Variants in MALRD1 observed in about 807,000 individuals in gnomAD.
MALRD1 encodes MAM and LDL receptor class A domain containing 1, also known as MAM and LDL-receptor class A domain-containing protein 1.
MALRD1 carries 247 observed loss-of-function variants against 242.1 expected under a neutral mutation model. That is an observed-to-expected ratio of 1.02 (90% CI 0.92 to 1.13). The LOEUF (loss-of-function observed/expected upper bound fraction) is 1.13, where lower values mean the gene tolerates loss of function less well. Ranked by LOEUF, MALRD1 falls within the 50% of genes most tolerant of loss-of-function variation. The pLI is 0.00. For missense variants in MALRD1, 2,989 were observed against 2,533.1 expected (o/e 1.18, Z -3.86); for synonymous variants, 995 against 866.6 (o/e 1.15, Z -2.60).
intron 26 of MALRD1, among the ~76,000 whole-genome samples, chr10:19,365,152 T>G (rs1261072854): frequency 2.6e-5 from 4 of 152,130 alleles, no homozygotes; most frequent in African/African-American, 9.6e-5. Context: ...TAATTTAAAA[T>G]GAAATAAAAT....
At chr10:19,646,013 G>C (rs544260703) in intron 36 of MALRD1, among the ~76,000 whole-genome samples, 55 of 152,134 alleles carry the variant, frequency 3.6e-4, no homozygotes, top group Non-Finnish European at 7.1e-4. Context: ...TGAACTAAAT[G>C]TAAGTTTTGT....
At chr10:19,550,721 A>G (rs1835436694) in intron 32 of MALRD1, among the ~76,000 whole-genome samples, 1 of 152,090 alleles carries the variant, frequency 6.6e-6, no homozygotes, top group African/African-American at 2.4e-5. Context: ...TGTATGTACC[A>G]CATTTTCCTT....
In MALRD1 at chr10:19,209,245, C is replaced by A; in HGVS notation, c.2579-23C>A. The A allele has an allele frequency of 2.0e-6, 3 of 1,481,254 alleles. No individual in the cohort carries two copies. In the South Asian group the frequency reaches 4.2e-5, roughly 21 times the overall value. The allele number at this position is 1,481,254 out of a possible 1,614,324, so 91.8% of individuals were successfully genotyped here. ...TATTTTTGTCCCTAATTATCTTTTG[C>A]TTTTATTTCATGTGAATTTCAGCAC... On this transcript the variant is annotated intron_variant, in intron 17 of 39. Transcript: ENST00000454679.
At chr10:19,053,822 A>G (rs1834581983) in intron 1 of MALRD1, among the ~76,000 whole-genome samples, 1 of 152,154 alleles carries the variant, frequency 6.6e-6, no homozygotes, top group Admixed American at 6.5e-5. Flanking sequence ...TGCATTAAAA[A>G]AAAGAAAATA....
chr10:19,414,900 G>T (rs976364245), intron 28 of MALRD1, among the ~76,000 whole-genome samples: 19 of 152,228 alleles, frequency 1.2e-4, no homozygotes, highest in Middle Eastern at 3.4e-3. Flanking sequence ...ACAGGCCAAA[G>T]ACTACAGGTT....
At chr10:19,155,049 C>T (rs1834089040) in intron 11 of MALRD1, 26 bp from the exon 12 acceptor site, 1 of 1,210,406 alleles carries the variant, frequency 8.3e-7, no homozygotes, top group Non-Finnish European at 1.0e-6. Context: ...ACTTGCATCC[C>T]TATGACTTTC....
At chr10:19,059,008 T>C (rs991282542) in intron 1 of MALRD1, among the ~76,000 whole-genome samples, 1 of 152,158 alleles carries the variant, frequency 6.6e-6, no homozygotes, top group African/African-American at 2.4e-5. Context: ...TTTAGAAATT[T>C]ATTCTAAGAA....
rs1262013087 is a variant in MALRD1 at position 19,553,977 on chromosome 10, T to A, written c.5479-13525T>A. Among the ~76,000 whole-genome samples, 3 of 152,318 alleles carry A rather than the reference T, an allele frequency of 2.0e-5. No homozygotes were observed. In the East Asian group the frequency reaches 5.8e-4, roughly 29 times the overall value. ...ATTTGTTGAGCTCCTATTATGTGCC[T>A]GGCAGTGCTCTAGGCATTTAGGGTA... On this transcript the variant is annotated intron_variant, in intron 32 of 39. Coordinates refer to ENST00000454679, the MANE Select transcript of MALRD1 (RefSeq NM_001142308.3).
chr10:19,506,886 AG>A (rs1471566319), intron 31 of MALRD1, among the ~76,000 whole-genome samples: 1 of 152,170 alleles, frequency 6.6e-6, no homozygotes, highest in Admixed American at 6.5e-5. Flanking sequence ...ATTGCTATAA[AG>A]AAATACCTGA....
chr10:19,655,113 C>G (rs1271117897), intron 36 of MALRD1, among the ~76,000 whole-genome samples: 2 of 152,054 alleles, frequency 1.3e-5, no homozygotes, highest in Non-Finnish European at 2.9e-5. Context: ...CAGAATAAAG[C>G]TGCAAAGGTT....
intron 38 of MALRD1, among the ~76,000 whole-genome samples, chr10:19,726,127 T>C (rs549120753): frequency 2.0e-5 from 3 of 152,256 alleles, no homozygotes; most frequent in African/African-American, 7.2e-5. Flanking sequence ...TCAAAAACTT[T>C]TGTGCAACAA....
chr10:19,478,572 C>G (rs1589136595), intron 29 of MALRD1, among the ~76,000 whole-genome samples: 2 of 152,010 alleles, frequency 1.3e-5, no homozygotes, highest in African/African-American at 2.4e-5. Context: ...TTACAGTTTC[C>G]TAGTCTAATT....
intron 5 of MALRD1, among the ~76,000 whole-genome samples, chr10:19,117,609 T>A (rs1399439671): frequency 6.6e-6 from 1 of 152,230 alleles, no homozygotes; most frequent in Non-Finnish European, 1.5e-5. Flanking sequence ...TGGTAATCGT[T>A]ATTGTGCAAT....
chr10:19,372,356 A>G (rs1396351188), intron 26 of MALRD1, among the ~76,000 whole-genome samples: 2 of 152,190 alleles, frequency 1.3e-5, no homozygotes, highest in Non-Finnish European at 2.9e-5. Flanking sequence ...CGTTATAAAT[A>G]TTTAGACACA....
At chr10:19,654,236 A>C (rs79980489) in intron 36 of MALRD1, among the ~76,000 whole-genome samples, 1 of 52,090 alleles carries the variant, frequency 1.9e-5, no homozygotes, top group Non-Finnish European at 6.0e-5. Context: ...TTGATGGATA[A>C]AAGACTAAGC....
chr10:19,231,807 C>A (rs1838091348), intron 18 of MALRD1, among the ~76,000 whole-genome samples: 1 of 151,714 alleles, frequency 6.6e-6, no homozygotes, highest in Admixed American at 6.6e-5. Flanking sequence ...TTCTGTAAGC[C>A]CAAGTCGGAT....
At chr10:19,226,437 C>G (rs1837805487) in intron 18 of MALRD1, among the ~76,000 whole-genome samples, 1 of 152,102 alleles carries the variant, frequency 6.6e-6, no homozygotes, top group African/African-American at 2.4e-5. Context: ...ATGATGTCCT[C>G]TCTCCCTAGT....
chr10:19,466,909 C>A (rs536472890), intron 29 of MALRD1, among the ~76,000 whole-genome samples: 1 of 152,172 alleles, frequency 6.6e-6, no homozygotes, highest in East Asian at 1.9e-4. Context: ...TAACTCCGTG[C>A]TGAAAAAATT....
intron 28 of MALRD1, among the ~76,000 whole-genome samples, chr10:19,414,389 T>C (rs550591339): frequency 6.6e-6 from 1 of 152,322 alleles, no homozygotes; most frequent in Non-Finnish European, 1.5e-5. Flanking sequence ...TGACTCAGAA[T>C]TGGGAAACCA....
Sources: gnomAD v4.1 joint callset for allele counts (sites outside exome capture counted in the v4.1 genomes callset) on GRCh38, gnomAD v4.1.1 for gene constraint, MANE v1.5 for transcripts, NCBI Gene and HGNC (gene_info 2026-07-23, HGNC 2026-07-21) for gene names.